CSF2RB: variants seen among roughly 807,000 people sequenced by gnomAD.
The protein encoded by CSF2RB is cytokine receptor common subunit beta.
CSF2RB carries 22 observed loss-of-function variants against 67.2 expected under a neutral mutation model. That is an observed-to-expected ratio of 0.33 (90% CI 0.23 to 0.47). CSF2RB has a LOEUF of 0.47. CSF2RB is among the 20% of genes least tolerant of loss of function. CSF2RB has a pLI of 1.00. For missense variants in CSF2RB, 1,113 were observed against 1,174.5 expected (o/e 0.95, Z 0.76); for synonymous variants, 507 against 482.9 (o/e 1.05, Z -0.65).
chr22:36,922,340 G>C (rs1440005163), intron 2 of CSF2RB, 57 bp downstream of exon 2: 1 of 1,484,194 alleles, frequency 6.7e-7, no homozygotes, highest in Non-Finnish European at 9.2e-7. Flanking sequence ...CTGCACCCTG[G>C]GGGAGGGCCG....
chr22:36,931,115 G>T (rs1394151884), intron 8 of CSF2RB, among the ~76,000 whole-genome samples: 3 of 152,114 alleles, frequency 2.0e-5, no homozygotes, highest in Non-Finnish European at 2.9e-5. Context: ...CACCCTCCTG[G>T]TCCTGTCACC....
rs146302338 is a variant in CSF2RB at position 36,926,159 on chromosome 22, G to A, written c.373G>A (p.Val125Ile). 2.0e-5 allele frequency: 33 copies of A among 1,614,008 alleles called. No homozygotes were observed. The highest frequency in any genetic ancestry group is 3.3e-4 in the Middle Eastern group (2 of 6,054). ...CAGGCCTCTGGGCACCCGGCTCACCGTCACTCTGACCCAGCATGGTGAGGG... is the reference window on the plus strand; with the variant it reads ...CAGGCCTCTGGGCACCCGGCTCACCATCACTCTGACCCAGCATGGTGAGGG... ...PDRPLGTRLT[V>I]TLTQHVQPPE... Residue 125 changes from valine (V) to isoleucine (I), a missense_variant, in exon 4 of 14, where the codon GTC (valine) becomes ATC (isoleucine). Val to Ile is a conservative substitution (Grantham distance 29). Coordinates refer to ENST00000403662, the MANE Select transcript of CSF2RB (RefSeq NM_000395.3).
intron 8 of CSF2RB, 40 bp downstream of exon 8, chr22:36,930,870 CCAG>C (rs1434488150): frequency 2.5e-6 from 4 of 1,607,664 alleles, no homozygotes; most frequent in Middle Eastern, 1.7e-4. Context: ...TGGTCTGGGA[CCAG>C]CACACCCTCA....
chr22:36,923,355 G>A lies in CSF2RB; in HGVS notation c.188G>A (p.Arg63His), dbSNP rs202215481. ...AQRLVNVTLIRRVNEDLLEPV... is the reference protein window; with the variant it reads ...AQRLVNVTLIHRVNEDLLEPV... ...CGGCTCGTCAACGTGACCCTCATTC[G>A]CCGGGTGAATGAGTGAGTGATGCTG... Residue 63 changes from arginine to histidine, a missense_variant, in exon 3 of 14, where the codon CGC (arginine) becomes CAC (histidine). By Grantham distance (29) the Arg-to-His change is conservative (BLOSUM62 0). Coordinates refer to ENST00000403662, the MANE Select transcript of CSF2RB (RefSeq NM_000395.3). 7.1e-5 allele frequency: 114 copies of A among 1,613,786 alleles called. No homozygotes were observed. The highest frequency in any genetic ancestry group is 2.2e-4 in the South Asian group (20 of 91,070).
chr22:36,938,541 T>A lies in CSF2RB; in HGVS notation c.*39T>A. On this transcript the variant is annotated 3_prime_UTR_variant, in exon 14 of 14. Transcript: ENST00000403662. ...AGACAGGCAAGGGGATGGAGAGGGC[T>A]TGCCTTCCCTCCCGCCTGACCTTCC... 1 of 1,574,916 alleles carries A rather than the reference T, an allele frequency of 6.3e-7. No individual in the cohort carries two copies. Among genetic ancestry groups the A allele is most frequent in the Non-Finnish European group, 8.6e-7 (1 of 1,159,122 alleles).
rs2145823918 is a variant in CSF2RB, at chr22:36,937,101, AG to A, written c.1569-274del. ...TGGTGCTGAAGGAGGATGGACTTTA[AG>A]GTCAAAAGGGAGAGGGTACCAGCCT... On this transcript the variant is annotated intron_variant, in intron 13 of 13. Transcript: ENST00000403662. The surrounding 1 kb of genome is among the most constrained non-coding windows in gnomAD (Gnocchi z 4.6). Among the ~76,000 whole-genome samples the A allele has an allele frequency of 6.6e-6, 1 of 152,192 alleles. No individual in the cohort carries two copies. Among genetic ancestry groups the A allele is most frequent in the Admixed American group, 6.5e-5 (1 of 15,290 alleles).
intron 3 of CSF2RB, chr22:36,923,781 C>CT: frequency 1.5e-6 from 2 of 1,292,348 alleles, no homozygotes; most frequent in Non-Finnish European, 2.0e-6. Context: ...TGGCGCTAGC[C>CT]TGGGAGTTCA....
chr22:36,935,557 C>G, intron 11 of CSF2RB, 73 bp from the exon 12 acceptor site: 2 of 1,610,206 alleles, frequency 1.2e-6, no homozygotes, highest in East Asian at 2.2e-5. Flanking sequence ...CCTCAGTTTC[C>G]CCTCTGGGCA....
intron 3 of CSF2RB, 112 bp downstream of exon 3, chr22:36,923,479 G>A (rs1940931510): frequency 4.9e-6 from 7 of 1,428,024 alleles, no homozygotes; most frequent in Non-Finnish European, 6.7e-6. Context: ...GGGTGGGAGT[G>A]GACAGAGGAC....
chr22:36,921,305 CTGTG>C (rs982364049), intron 1 of CSF2RB, among the ~76,000 whole-genome samples: 6 of 148,340 alleles, frequency 4.0e-5, no homozygotes, highest in African/African-American at 1.0e-4. Context: ...TTGTATGTAT[CTGTG>C]TGTGTCTGTG....
intron 12 of CSF2RB, 32 bp downstream of exon 12, chr22:36,935,719 G>T (rs1404037130): frequency 2.5e-6 from 4 of 1,599,644 alleles, no homozygotes; most frequent in East Asian, 2.3e-5. Flanking sequence ...CGGAGTGGGG[G>T]CTTCTCTGTT....
At chr22:36,935,715 G>T (rs1003533636) in intron 12 of CSF2RB, 28 bp downstream of exon 12, 15 of 1,605,298 alleles carry the variant, frequency 9.3e-6, no homozygotes, top group Middle Eastern at 1.6e-4. Flanking sequence ...GGGGCGGAGT[G>T]GGGGCTTCTC....
chr22:36,923,975 G>A (rs1287630415), intron 3 of CSF2RB, among the ~76,000 whole-genome samples: 3 of 152,272 alleles, frequency 2.0e-5, no homozygotes, highest in South Asian at 2.1e-4. Context: ...AAGGGAAGGG[G>A]ACCAGAATCG....
Position 36,933,987 on chromosome 22 carries a change from C to G in CSF2RB, c.1308C>G (p.Thr436=), listed in dbSNP as rs756568774. Reference sequence around the variant, plus strand: ...GGAGTGAGGCGCGCTCCTGGGACACCGAGTCGGGTAGGTGAAGGCTGGAGT... The same window carrying G: ...GGAGTGAGGCGCGCTCCTGGGACACGGAGTCGGGTAGGTGAAGGCTGGAGT... The part of the protein sequence containing the change: ...SEWSEARSWD[T]ESVLPMWVLA... Residue 436 remains threonine, a synonymous_variant, in exon 10 of 14, where the codon ACC becomes ACG. Transcript: ENST00000403662. 148 of 1,612,222 alleles carry G rather than the reference C, an allele frequency of 9.2e-5. 1 individual carries two copies. In the Admixed American group the frequency reaches 2.5e-3, roughly 27 times the overall value.
At position 36,930,528 on chromosome 22, in the gene CSF2RB, C is replaced by T; in HGVS notation, c.854+18C>T. ...GATGCAGGGTGAGCATCTTTTTTCTCCATCCCCTCCCCTCCTCTTGGCCTT... is the reference window on the plus strand; with the variant it reads ...GATGCAGGGTGAGCATCTTTTTTCTTCATCCCCTCCCCTCCTCTTGGCCTT... On this transcript the variant is annotated intron_variant, in intron 7 of 13. Coordinates refer to ENST00000403662, the MANE Select transcript of CSF2RB (RefSeq NM_000395.3). 1 of 1,612,748 alleles carries T rather than the reference C, an allele frequency of 6.2e-7. No homozygotes were observed. The highest frequency in any genetic ancestry group is 1.7e-5 in the Admixed American group (1 of 60,002).
chr22:36,922,155 A>T lies in CSF2RB; in HGVS notation c.-53A>T. 1 of 1,501,972 alleles carries T rather than the reference A, an allele frequency of 6.7e-7. No homozygotes were observed. The highest frequency in any genetic ancestry group is 2.0e-5 in the Admixed American group (1 of 51,016). The allele number at this position is 1,501,972 out of a possible 1,614,324, so 93.0% of individuals were successfully genotyped here. A position where few individuals can be genotyped will look rare whatever the true frequency, so the allele number is the denominator to read the frequency against. On this transcript the variant is annotated 5_prime_UTR_variant, in exon 2 of 14. The change abolishes an upstream ATG in the 5' untranslated region. Coordinates refer to ENST00000403662, the MANE Select transcript of CSF2RB (RefSeq NM_000395.3). ...GGACACTAAGGACCCTGTCATGCCC[A>T]TGGCCAGCACCCACCAGTGCTGGTG... is the stretch of plus-strand genomic sequence containing the variant.
chr22:36,933,038 G>A, intron 9 of CSF2RB, 134 bp downstream of exon 9: 2 of 1,066,838 alleles, frequency 1.9e-6, no homozygotes, highest in Non-Finnish European at 2.7e-6. Context: ...GGGACGTGGT[G>A]ATCACTAGGC....
Position 36,922,289 on chromosome 22 carries a change from T to C in CSF2RB, c.76+6T>C. On this transcript the variant is annotated splice_donor_region_variant and intron_variant, in intron 2 of 13. Coordinates refer to ENST00000403662, the MANE Select transcript of CSF2RB (RefSeq NM_000395.3). ...CAGCCTGGCAGGGGCAGAAGGTGAG[T>C]CCCGTGGCTCCCACCCACTTCCCTG... 1 of 1,568,254 alleles carries C rather than the reference T, an allele frequency of 6.4e-7. No homozygotes were observed. Among genetic ancestry groups the C allele is most frequent in the Non-Finnish European group, 8.6e-7 (1 of 1,156,634 alleles).
At chr22:36,924,794 G>T (rs943626146) in intron 3 of CSF2RB, among the ~76,000 whole-genome samples, 2 of 152,130 alleles carry the variant, frequency 1.3e-5, no homozygotes, top group African/African-American at 4.8e-5. Flanking sequence ...ACCTGACTCT[G>T]CCCACAGCTC....
Sources: gnomAD v4.1 joint callset for allele counts (sites outside exome capture counted in the v4.1 genomes callset) on GRCh38, gnomAD v4.1.1 for gene constraint, Gnocchi (gnomAD v3.1) non-coding constraint, MANE v1.5 for transcripts, NCBI Gene and HGNC (gene_info 2026-07-23, HGNC 2026-07-21) for gene names.